KCNMA1: variants seen among roughly 807,000 people sequenced by gnomAD.
KCNMA1 encodes Calcium-activated potassium channel subunit alpha-1.
Under a neutral mutation model 140.0 loss-of-function variants are expected in KCNMA1, and 29 were observed. The observed-to-expected ratio is 0.21, with a 90% CI of 0.15 to 0.28. The LOEUF (loss-of-function observed/expected upper bound fraction) is 0.28, where lower values mean the gene tolerates loss of function less well. KCNMA1 is among the 10% of genes least tolerant of loss of function. KCNMA1 has a pLI of 1.00. For synonymous variants in KCNMA1, 612 were observed against 611.9 expected (o/e 1.00, Z 0.00); for missense variants, 880 against 1,602.2 (o/e 0.55, Z 7.70).
intron 2 of KCNMA1, among the ~76,000 whole-genome samples, chr10:77,314,593 C>A (rs1278245819): frequency 1.3e-5 from 2 of 152,106 alleles, no homozygotes; most frequent in African/African-American, 4.8e-5. Flanking sequence ...CGTTATCCAT[C>A]TTGATTGTGT....
chr10:76,989,811 A>G (rs1043006194), intron 19 of KCNMA1, among the ~76,000 whole-genome samples: 4 of 150,876 alleles, frequency 2.7e-5, no homozygotes, highest in Non-Finnish European at 4.4e-5. Context: ...AGTCATTTGA[A>G]AAAAAAAAAA....
intron 20 of KCNMA1, among the ~76,000 whole-genome samples, chr10:76,961,233 C>A (rs1366647469): frequency 6.6e-6 from 1 of 151,342 alleles, no homozygotes; most frequent in Admixed American, 6.6e-5. Flanking sequence ...AATTCCAACC[C>A]TCATGGATGA....
chr10:77,617,357 T>C (rs1449408797), intron 1 of KCNMA1, among the ~76,000 whole-genome samples: 1 of 152,162 alleles, frequency 6.6e-6, no homozygotes, highest in African/African-American at 2.4e-5. Context: ...TGCATTCAAA[T>C]CATGAGGGCA....
chr10:77,491,329 C>T (rs1158461357), intron 1 of KCNMA1, among the ~76,000 whole-genome samples: 1 of 152,104 alleles, frequency 6.6e-6, no homozygotes, highest in Non-Finnish European at 1.5e-5. Context: ...CCTGGAAAAT[C>T]GTGTGTCCGT....
chr10:77,232,924 T>C (rs2054111503), intron 3 of KCNMA1, among the ~76,000 whole-genome samples: 1 of 149,218 alleles, frequency 6.7e-6, no homozygotes, highest in African/African-American at 2.5e-5. Flanking sequence ...TCTCACTCTG[T>C]CACCCAGACT....
chr10:77,208,680 C>T (rs2044996551), intron 3 of KCNMA1, among the ~76,000 whole-genome samples: 1 of 152,088 alleles, frequency 6.6e-6, no homozygotes, highest in Non-Finnish European at 1.5e-5. Flanking sequence ...AGTAGAAAAG[C>T]TCAAAATAAA....
chr10:77,574,262 A>G (rs58478931), intron 1 of KCNMA1, among the ~76,000 whole-genome samples: 24,043 of 148,896 alleles, frequency 0.16, 2,192 homozygotes, highest in Middle Eastern at 0.26. Flanking sequence ...ATGCGTGTGT[A>G]TATATATATA....
intron 20 of KCNMA1, among the ~76,000 whole-genome samples, chr10:76,961,184 G>C (rs933412001): frequency 6.6e-6 from 1 of 151,178 alleles, no homozygotes; most frequent in Non-Finnish European, 1.5e-5. Flanking sequence ...GTGATTCATG[G>C]GAGGAGGTGA....
chr10:77,029,670 T>C (rs1000766548), intron 15 of KCNMA1, among the ~76,000 whole-genome samples: 10 of 152,170 alleles, frequency 6.6e-5, no homozygotes, highest in Non-Finnish European at 1.5e-5. Flanking sequence ...ATATCATCTG[T>C]GATGGTTCAG....
intron 7 of KCNMA1, 138 bp downstream of exon 7, chr10:77,112,229 G>T: frequency 1.4e-6 from 1 of 702,578 alleles, no homozygotes; most frequent in South Asian, 1.5e-5. Flanking sequence ...CCAGACAATT[G>T]TGTGGTTGCT....
intron 2 of KCNMA1, among the ~76,000 whole-genome samples, chr10:77,365,201 A>G (rs2094267478): frequency 6.6e-6 from 1 of 152,174 alleles, no homozygotes; most frequent in Non-Finnish European, 1.5e-5. Context: ...CCAAATGACA[A>G]GCATCACAAT....
chr10:77,393,537 C>A lies in KCNMA1; in HGVS notation c.540+10325G>T, dbSNP rs184232488. 3.3e-5 allele frequency among the ~76,000 whole-genome samples: 5 copies of A among 152,328 alleles called. No homozygotes were observed. In the East Asian group the frequency reaches 9.7e-4, roughly 29 times the overall value. On this transcript the variant is annotated intron_variant, in intron 2 of 27. Transcript: ENST00000286628. ...GAAACTGAGGTATGAGACAATGAAG[C>A]CACTCGCCCAGGGTAAAAGCCAAGC...
intron 5 of KCNMA1, among the ~76,000 whole-genome samples, chr10:77,127,730 T>A (rs571078990): frequency 6.6e-6 from 1 of 152,274 alleles, no homozygotes; most frequent in South Asian, 2.1e-4. Flanking sequence ...CCCAGCACTT[T>A]GGGAGGCTGA....
intron 6 of KCNMA1, among the ~76,000 whole-genome samples, chr10:77,118,614 T>C (rs567488439): frequency 6.6e-6 from 1 of 152,236 alleles, no homozygotes; most frequent in African/African-American, 2.4e-5. Context: ...ACCCCCACCC[T>C]ACCCCTCACA....
intron 16 of KCNMA1, 104 bp downstream of exon 16, chr10:77,027,719 T>C (rs1001426226): frequency 5.4e-6 from 5 of 927,630 alleles, no homozygotes; most frequent in African/African-American, 4.9e-5. Context: ...TCTGGTTCCA[T>C]GCAGATAAAT....
intron 14 of KCNMA1, among the ~76,000 whole-genome samples, chr10:77,069,024 C>G (rs185390469): frequency 4.6e-5 from 7 of 151,996 alleles, no homozygotes; most frequent in Admixed American, 4.6e-4. Flanking sequence ...CATAGTAAGA[C>G]TCAAAAACAA....
In KCNMA1 at chr10:77,442,923, C is replaced by T. The variant is rs531437245; in HGVS notation, c.379-38900G>A. Among the ~76,000 whole-genome samples the T allele has an allele frequency of 4.6e-5, 7 of 152,344 alleles. No individual in the cohort carries two copies. In the South Asian group the frequency reaches 1.5e-3, roughly 32 times the overall value. ...CTGACACCTGCTGTTTAATCTCCAT[C>T]ACCTTCCCTCCTCCTACCTGGCTCA... is the stretch of plus-strand genomic sequence containing the variant. On this transcript the variant is annotated intron_variant, in intron 1 of 27. Transcript: ENST00000286628.
At chr10:77,475,381 C>G (rs1270540185) in intron 1 of KCNMA1, among the ~76,000 whole-genome samples, 1 of 152,178 alleles carries the variant, frequency 6.6e-6, no homozygotes, top group African/African-American at 2.4e-5. Flanking sequence ...CATTACTATA[C>G]AGTCCTAAAG....
intron 3 of KCNMA1, among the ~76,000 whole-genome samples, chr10:77,191,205 G>T (rs879460141): frequency 1.2e-4 from 18 of 152,080 alleles, no homozygotes; most frequent in Non-Finnish European, 1.8e-4. Flanking sequence ...TTTAAAAGGA[G>T]GCAAGTCTTT....
Sources: allele counts gnomAD v4.1 joint callset (sites outside exome capture counted in the v4.1 genomes callset), GRCh38; gene constraint gnomAD v4.1.1; transcripts MANE v1.5; gene names NCBI Gene and HGNC (gene_info 2026-07-23, HGNC 2026-07-21).